Variants in ARHGEF12 observed in about 807,000 individuals in gnomAD.
The protein encoded by ARHGEF12 is KMT2A/ARHGEF12 fusion protein.
ARHGEF12 carries 66 observed loss-of-function variants against 211.2 expected under a neutral mutation model. That is an observed-to-expected ratio of 0.31 (90% CI 0.26 to 0.38). ARHGEF12 has a LOEUF of 0.38. ARHGEF12 is among the 10% of genes least tolerant of loss of function. The pLI is 1.00. For synonymous variants in ARHGEF12, 592 were observed against 638.4 expected (o/e 0.93, Z 1.09); for missense variants, 1,429 against 1,869.5 (o/e 0.76, Z 4.34).
At chr11:120,345,701 C>CAAAAAA (rs34619240) in intron 1 of ARHGEF12, among the ~76,000 whole-genome samples, 5 of 78,340 alleles carry the variant, frequency 6.4e-5, no homozygotes, top group Admixed American at 1.7e-4. Context: ...GACTCCGTCT[C>CAAAAAA]AAAAAAAAAA....
At chr11:120,365,333 A>C (rs1305115225) in intron 1 of ARHGEF12, among the ~76,000 whole-genome samples, 1 of 152,134 alleles carries the variant, frequency 6.6e-6, no homozygotes, top group Non-Finnish European at 1.5e-5. Flanking sequence ...ATAATTCTTG[A>C]GACTAGGAAT....
intron 1 of ARHGEF12, among the ~76,000 whole-genome samples, chr11:120,345,719 A>AG (rs1199588363): frequency 6.6e-6 from 1 of 151,370 alleles, no homozygotes; most frequent in African/African-American, 2.4e-5. Context: ...AAAAAAAAAA[A>AG]AACGAAATGG....
At chr11:120,465,991 C>T (rs182036133) in intron 28 of ARHGEF12, among the ~76,000 whole-genome samples, 74 of 152,320 alleles carry the variant, frequency 4.9e-4, no homozygotes, top group Middle Eastern at 3.4e-3. Flanking sequence ...TAACAGCAGC[C>T]ACACTCATTG....
At chr11:120,385,930 GA>G in intron 1 of ARHGEF12, among the ~76,000 whole-genome samples, 4 of 152,202 alleles carry the variant, frequency 2.6e-5, no homozygotes, top group African/African-American at 9.6e-5. Flanking sequence ...TGATACCCAA[GA>G]GACCATGGAT....
intron 1 of ARHGEF12, among the ~76,000 whole-genome samples, chr11:120,362,993 GGGAGGCTGAGGCA>G (rs1943320035): frequency 6.6e-6 from 1 of 152,184 alleles, no homozygotes; most frequent in Admixed American, 6.5e-5. Context: ...CCAGCTACTT[GGGAGGCTGAGGCA>G]GGAGAATGGC....
At chr11:120,356,598 G>T (rs12575057) in intron 1 of ARHGEF12, among the ~76,000 whole-genome samples, 1 of 150,798 alleles carries the variant, frequency 6.6e-6, no homozygotes, top group East Asian at 1.9e-4. Context: ...ACCCCATCTA[G>T]GTCCTCTGCT....
chr11:120,358,186 C>G (rs1943180114), intron 1 of ARHGEF12, among the ~76,000 whole-genome samples: 1 of 151,968 alleles, frequency 6.6e-6, no homozygotes, highest in Non-Finnish European at 1.5e-5. Flanking sequence ...GGCAGAGAAA[C>G]CAATAGTGAG....
chr11:120,338,671 G>A (rs554865216), intron 1 of ARHGEF12, among the ~76,000 whole-genome samples: 1 of 152,104 alleles, frequency 6.6e-6, no homozygotes, highest in East Asian at 1.9e-4. Flanking sequence ...TCACTTTTAC[G>A]GGTGTGGGGA....
At chr11:120,407,933 C>CCTG in intron 3 of ARHGEF12, 110 bp downstream of exon 3, 3 of 862,254 alleles carry the variant, frequency 3.5e-6, no homozygotes, top group Admixed American at 4.8e-5. Context: ...TGTTTTAGGA[C>CCTG]TCTCACATTC....
rs755435658 is a variant in ARHGEF12 at position 120,448,285 on chromosome 11, A to G, written c.1674A>G (p.Lys558=). The part of the protein sequence containing the change: ...ILMYMKHLGV[K]VKEPRNLEHK... ...TGTATATGAAGCATTTGGGAGTAAA[A>G]GTGAAAGAGCCTCGAAATTTGGAGC... Residue 558 remains lysine, a synonymous_variant, in exon 20 of 41, where the codon AAA becomes AAG. Coordinates refer to ENST00000397843, the MANE Select transcript of ARHGEF12 (RefSeq NM_015313.3). 6.8e-6 allele frequency: 11 copies of G among 1,614,114 alleles called. No individual in the cohort carries two copies. Among genetic ancestry groups the G allele is most frequent in the East Asian group, 2.2e-5 (1 of 44,864 alleles).
At chr11:120,395,056 C>CAAAAAAA (rs758953056) in intron 1 of ARHGEF12, among the ~76,000 whole-genome samples, 24 of 34,550 alleles carry the variant, frequency 6.9e-4, no homozygotes, top group East Asian at 1.5e-3. Context: ...GACTCTATCT[C>CAAAAAAA]AAAAAAAAAA....
rs1333832962 is a variant in ARHGEF12 at position 120,373,875 on chromosome 11, T to C, written c.33-32243T>C. Reference sequence around the variant, plus strand: ...TGGGCTGGAGTGCAATGGCGCGATCTCGGCTCACCACAACCTCTGCCTCCA... The same window carrying C: ...TGGGCTGGAGTGCAATGGCGCGATCCCGGCTCACCACAACCTCTGCCTCCA... On this transcript the variant is annotated intron_variant, in intron 1 of 40. Transcript: ENST00000397843. Among the ~76,000 whole-genome samples the C allele has an allele frequency of 2.0e-5, 3 of 152,238 alleles. No homozygotes were observed. In the East Asian group the frequency reaches 5.8e-4, roughly 29 times the overall value.
rs557532039 is a variant in ARHGEF12 at position 120,467,854 on chromosome 11, G to C, written c.2854+546G>C. On this transcript the variant is annotated intron_variant, in intron 29 of 40. Coordinates refer to ENST00000397843, the MANE Select transcript of ARHGEF12 (RefSeq NM_015313.3). The stretch of plus-strand genomic sequence containing the variant: ...AATCATAGACCAAGTCATGCTCACT[G>C]TCTGTTTTTGTAAATAAAGTTTTAT... 8.5e-5 allele frequency among the ~76,000 whole-genome samples: 13 copies of C among 152,284 alleles called. No homozygotes were observed. In the South Asian group the frequency reaches 2.5e-3, roughly 29 times the overall value.
rs529509977 is a variant in ARHGEF12, at chr11:120,405,966, ACTT to A, written c.33-148_33-146del. The stretch of plus-strand genomic sequence containing the variant: ...TTAAGATACTTAAACATGGTGTTCA[ACTT>A]CTTATTCCTCCAGCTTATTGATTCT... On this transcript the variant is annotated intron_variant, in intron 1 of 40. Transcript: ENST00000397843. 1.4e-4 allele frequency: 83 copies of A among 588,994 alleles called. 2 individuals are homozygous for A. The South Asian group carries it at 1.8e-3, about 13-fold the overall frequency. 36.5% of individuals were successfully genotyped at this position (588,994 alleles called of 1,614,324 possible).
At chr11:120,414,333 CAGA>C (rs1944966471) in intron 4 of ARHGEF12, among the ~76,000 whole-genome samples, 1 of 152,090 alleles carries the variant, frequency 6.6e-6, no homozygotes, top group African/African-American at 2.4e-5. Context: ...TTTGCCAGGG[CAGA>C]AGGTTAATTA....
chr11:120,464,501 G>A (rs556182411), intron 27 of ARHGEF12: 1 of 151,956 alleles, frequency 6.6e-6, no homozygotes, highest in South Asian at 2.1e-4. Flanking sequence ...AGAATCACTG[G>A]AACCTGGGAG....
chr11:120,372,714 T>C (rs1943622635), intron 1 of ARHGEF12, among the ~76,000 whole-genome samples: 1 of 152,144 alleles, frequency 6.6e-6, no homozygotes, highest in African/African-American at 2.4e-5. Flanking sequence ...TATGATAAGA[T>C]AGGCCTGAGT....
At chr11:120,397,166 A>G (rs997768262) in intron 1 of ARHGEF12, among the ~76,000 whole-genome samples, 1 of 152,212 alleles carries the variant, frequency 6.6e-6, no homozygotes, top group African/African-American at 2.4e-5. Context: ...TTTCAACACA[A>G]ATAGGGAGAG....
At chr11:120,376,380 A>G (rs1000789597) in intron 1 of ARHGEF12, among the ~76,000 whole-genome samples, 3 of 152,158 alleles carry the variant, frequency 2.0e-5, no homozygotes, top group African/African-American at 7.2e-5. Flanking sequence ...TCGTATTTTA[A>G]GTAGGAAGTT....
Sources: allele counts gnomAD v4.1 joint callset (sites outside exome capture counted in the v4.1 genomes callset), GRCh38; gene constraint gnomAD v4.1.1; transcripts MANE v1.5; gene names NCBI Gene and HGNC (gene_info 2026-07-23, HGNC 2026-07-21).